The following CHRM3 variants were observed in gnomAD, a reference collection of about 807,000 sequenced individuals.
CHRM3 encodes cholinergic receptor muscarinic 3.
Under a neutral mutation model 41.8 loss-of-function variants are expected in CHRM3, and 11 were observed. The observed-to-expected ratio is 0.26, with a 90% CI of 0.17 to 0.44. The LOEUF (loss-of-function observed/expected upper bound fraction) is 0.44. Among genes scored for constraint, CHRM3 ranks in the 20% least tolerant of loss-of-function variants. The pLI is 1.00. For missense variants in CHRM3, 571 were observed against 745.4 expected, an observed-to-expected ratio of 0.77 and a Z score of 2.72; for synonymous variants, 297 against 301.4, an observed-to-expected ratio of 0.99 and a Z score of 0.15.
intron 6 of CHRM3, among the ~76,000 whole-genome samples, chr1:239,882,292 G>A (rs1677710210): frequency 6.6e-6 from 1 of 152,152 alleles, no homozygotes; most frequent in Non-Finnish European, 1.5e-5. Context: ...TCGTAGTGGT[G>A]CCTCTCTGGC....
At chr1:239,821,909 A>G (rs986331441) in intron 5 of CHRM3, among the ~76,000 whole-genome samples, 1 of 152,060 alleles carries the variant, frequency 6.6e-6, no homozygotes, top group Non-Finnish European at 1.5e-5. Flanking sequence ...GTCTCACAAG[A>G]TCTGATGGTT....
intron 5 of CHRM3, among the ~76,000 whole-genome samples, chr1:239,696,440 C>T (rs1368346106): frequency 1.3e-5 from 2 of 152,102 alleles, no homozygotes; most frequent in Admixed American, 6.6e-5. Flanking sequence ...CATCACTCAC[C>T]TGTCATTTTT....
chr1:239,399,652 A>G (rs532276649), intron 1 of CHRM3, among the ~76,000 whole-genome samples: 1 of 152,202 alleles, frequency 6.6e-6, no homozygotes, highest in African/African-American at 2.4e-5. Context: ...TCCAAGTCCA[A>G]TCATTTGGTT....
At chr1:239,549,828 G>A (rs180999995) in intron 3 of CHRM3, among the ~76,000 whole-genome samples, 71 of 152,042 alleles carry the variant, frequency 4.7e-4, no homozygotes, top group Middle Eastern at 6.8e-3. Flanking sequence ...CAGACCTGAA[G>A]TCTAATGTAA....
chr1:239,900,374 ATTC>A (rs1261025851), intron 6 of CHRM3, among the ~76,000 whole-genome samples: 4 of 138,944 alleles, frequency 2.9e-5, no homozygotes, highest in African/African-American at 6.0e-5. Flanking sequence ...ACTTTTAGAT[ATTC>A]TTTTTTTTTT....
intron 4 of CHRM3, among the ~76,000 whole-genome samples, chr1:239,656,168 G>A (rs189879771): frequency 5.9e-5 from 9 of 152,002 alleles, no homozygotes; most frequent in African/African-American, 1.9e-4. Context: ...GGGAAGGAAG[G>A]GGGGGAAAGG....
At chr1:239,585,666 T>C (rs1191878802) in intron 3 of CHRM3, among the ~76,000 whole-genome samples, 1 of 152,192 alleles carries the variant, frequency 6.6e-6, no homozygotes, top group Admixed American at 6.5e-5. Flanking sequence ...ACTACTCTCC[T>C]TCTCAGACTG....
rs1447486924 is a variant in CHRM3 at position 239,909,857 on chromosome 1, G to A, written c.*633G>A. 1.8e-5 allele frequency: 3 copies of A among 167,114 alleles called. No homozygotes were observed. Among genetic ancestry groups the A allele is most frequent in the South Asian group, 2.1e-4 (1 of 4,824 alleles). The allele number at this position is 167,114 out of a possible 1,614,324, so 10.4% of individuals were successfully genotyped here. A position where few individuals can be genotyped will look rare whatever the true frequency, so the allele number is the denominator to read the frequency against. ...TACTTAAGTATATATATATGTGTGA[G>A]TTCTGCACGCACACACATAGTGTAT... is the stretch of plus-strand genomic sequence containing the variant. On this transcript the variant is annotated 3_prime_UTR_variant, in exon 7 of 7. Coordinates refer to ENST00000676153, the MANE Select transcript of CHRM3 (RefSeq NM_001375978.1).
chr1:239,594,439 T>A (rs910269255), intron 3 of CHRM3, among the ~76,000 whole-genome samples: 2 of 152,236 alleles, frequency 1.3e-5, no homozygotes, highest in African/African-American at 4.8e-5. Context: ...TTATTATGAA[T>A]GTAGCTGTGG....
At chr1:239,648,758 A>C (rs1573118902) in intron 4 of CHRM3, among the ~76,000 whole-genome samples, 2 of 152,330 alleles carry the variant, frequency 1.3e-5, no homozygotes, top group South Asian at 2.1e-4. Flanking sequence ...CCAGTAAGTC[A>C]GAAGAGCTCA....
At chr1:239,830,126 G>A (rs997621250) in intron 6 of CHRM3, among the ~76,000 whole-genome samples, 1 of 152,102 alleles carries the variant, frequency 6.6e-6, no homozygotes, top group Non-Finnish European at 1.5e-5. Context: ...AAAGAACTCA[G>A]TTCATCCTGC....
chr1:239,610,357 T>C (rs1463699845), intron 3 of CHRM3, among the ~76,000 whole-genome samples: 1 of 152,202 alleles, frequency 6.6e-6, no homozygotes, highest in African/African-American at 2.4e-5. Context: ...TCATGCTTCA[T>C]GAGCTGTGAT....
At chr1:239,760,542 T>C (rs774981872) in intron 5 of CHRM3, among the ~76,000 whole-genome samples, 2 of 152,194 alleles carry the variant, frequency 1.3e-5, no homozygotes, top group Non-Finnish European at 2.9e-5. Flanking sequence ...TTTTCCCACC[T>C]ACACACCTTT....
intron 6 of CHRM3, among the ~76,000 whole-genome samples, chr1:239,901,379 C>A (rs1050954230): frequency 6.6e-6 from 1 of 150,846 alleles, no homozygotes; most frequent in Non-Finnish European, 1.5e-5. Flanking sequence ...GAGCTGAAGT[C>A]TTCTTTGTCC....
At chr1:239,837,990 T>C (rs1292721356) in intron 6 of CHRM3, among the ~76,000 whole-genome samples, 1 of 152,098 alleles carries the variant, frequency 6.6e-6, no homozygotes, top group Non-Finnish European at 1.5e-5. Context: ...AATAGTAAAA[T>C]AAAAACACTT....
At chr1:239,494,790 C>T (rs116669504) in intron 2 of CHRM3, among the ~76,000 whole-genome samples, 4,463 of 152,088 alleles carry the variant, frequency 0.029, 171 homozygotes, top group African/African-American at 0.084. Context: ...CAAGTGAGAA[C>T]GTGTATGTTT....
chr1:239,759,599 A>C (rs2148642580), intron 5 of CHRM3, among the ~76,000 whole-genome samples: 1 of 152,318 alleles, frequency 6.6e-6, no homozygotes, highest in South Asian at 2.1e-4. Flanking sequence ...GTGTATAAAA[A>C]AAGCAAAAAT....
chr1:239,800,898 G>C (rs1305489654), intron 5 of CHRM3, among the ~76,000 whole-genome samples: 1 of 24,510 alleles, frequency 4.1e-5, no homozygotes, highest in Non-Finnish European at 1.0e-4. Context: ...TAAGAAAAAT[G>C]TAAGGGATTT....
chr1:239,823,806 G>GA (rs1277437940), intron 5 of CHRM3, among the ~76,000 whole-genome samples: 1 of 151,882 alleles, frequency 6.6e-6, no homozygotes, highest in African/African-American at 2.4e-5. Context: ...CAAACTTGGG[G>GA]AAAAAATAGT....
Sources: gnomAD v4.1 joint callset for allele counts (sites outside exome capture counted in the v4.1 genomes callset) on GRCh38, gnomAD v4.1.1 for gene constraint, MANE v1.5 for transcripts, NCBI Gene and HGNC (gene_info 2026-07-23, HGNC 2026-07-21) for gene names.